The following AP1B1 variants were observed in gnomAD, a reference collection of about 807,000 sequenced individuals.
AP1B1 encodes the protein adaptor related protein complex 1 subunit beta 1.
AP1B1 carries 36 observed loss-of-function variants against 104.3 expected under a neutral mutation model. The observed-to-expected ratio is 0.35, with a 90% CI of 0.26 to 0.46. AP1B1 has a LOEUF of 0.46. Among genes scored for constraint, AP1B1 ranks in the 20% least tolerant of loss-of-function variants. AP1B1 has a pLI of 1.00. For missense variants in AP1B1, 901 were observed against 1,247.9 expected (o/e 0.72, Z 4.19); for synonymous variants, 504 against 517.5 (o/e 0.97, Z 0.35).
In AP1B1 at chr22:29,371,061, A is replaced by G. The variant is rs117456488; in HGVS notation, c.-27-3791T>C. ...AAACGCTTTAGAAAGCCACCCCAAAACACAGATAACAAAACAAAACAAAAC... is the reference window on the plus strand; with the variant it reads ...AAACGCTTTAGAAAGCCACCCCAAAGCACAGATAACAAAACAAAACAAAAC... On this transcript the variant is annotated intron_variant, in intron 1 of 22. Transcript: ENST00000357586. 2.2e-4 allele frequency among the ~76,000 whole-genome samples: 33 copies of G among 152,264 alleles called. No homozygotes were observed. The East Asian group carries it at 5.8e-3, about 27-fold the overall frequency.
At chr22:29,332,050 GGA>G in intron 17 of AP1B1, 134 bp from the exon 18 acceptor site, 2 of 898,448 alleles carry the variant, frequency 2.2e-6, no homozygotes, top group Non-Finnish European at 3.3e-6. Flanking sequence ...CCCATGTTCT[GGA>G]CCCTGGACAG....
intron 1 of AP1B1, among the ~76,000 whole-genome samples, chr22:29,370,897 G>C (rs1473819049): frequency 6.6e-6 from 1 of 152,126 alleles, no homozygotes; most frequent in Non-Finnish European, 1.5e-5. Flanking sequence ...GCTGGCTGCA[G>C]CTTTTTTCCG....
At chr22:29,342,210 C>G in intron 12 of AP1B1, 75 bp downstream of exon 12, 1 of 1,268,532 alleles carries the variant, frequency 7.9e-7, no homozygotes, top group East Asian at 2.5e-5. Context: ...GCTTCCAGGT[C>G]TAGTTCCTGG....
At position 29,350,121 on chromosome 22, in the gene AP1B1, C is replaced by T; in HGVS notation, c.1185G>A (p.Leu395=). The T allele has an allele frequency of 6.2e-7, 1 of 1,614,202 alleles. No homozygotes were observed. Among genetic ancestry groups the T allele is most frequent in the Non-Finnish European group, 8.5e-7 (1 of 1,180,024 alleles). Residue 395 remains leucine, a synonymous_variant, in exon 10 of 23, where the codon CTG becomes CTA. Coordinates refer to ENST00000357586, the MANE Select transcript of AP1B1 (RefSeq NM_001127.4). ...EQSAERCVST[L]LDLIQTKVNY... The stretch of plus-strand genomic sequence containing the variant: ...TGACCTTGGTCTGGATGAGGTCGAG[C>T]AGCGTGCTCACACAGCGCTCCGCAG...
At chr22:29,358,530 G>A (rs533677671) in intron 5 of AP1B1, among the ~76,000 whole-genome samples, 196 bp downstream of exon 5, 1 of 152,336 alleles carries the variant, frequency 6.6e-6, no homozygotes, top group East Asian at 1.9e-4. Context: ...TAGTCAGAGG[G>A]TGAGGAGAAG....
At position 29,351,697 on chromosome 22, in the gene AP1B1, C is replaced by G; in HGVS notation, c.1059+8G>C. On this transcript the variant is annotated splice_region_variant and intron_variant, in intron 8 of 22. Coordinates refer to ENST00000357586, the MANE Select transcript of AP1B1 (RefSeq NM_001127.4). ...GAGCCCGTGTCCTGACCATCACACG[C>G]AGCTGACCTGGGCGATGTTGGCCTG... 2 of 1,613,634 alleles carry G rather than the reference C, an allele frequency of 1.2e-6. No homozygotes were observed. Among genetic ancestry groups the G allele is most frequent in the Non-Finnish European group, 8.5e-7 (1 of 1,179,894 alleles).
intron 1 of AP1B1, among the ~76,000 whole-genome samples, chr22:29,367,768 G>A (rs2062167697): frequency 6.6e-6 from 1 of 152,086 alleles, no homozygotes; most frequent in Non-Finnish European, 1.5e-5. Context: ...CATCATCAAG[G>A]CACGATATTA....
chr22:29,341,374 A>G, intron 13 of AP1B1, 127 bp downstream of exon 13: 1 of 1,217,920 alleles, frequency 8.2e-7, no homozygotes, highest in Non-Finnish European at 1.1e-6. Context: ...AATAGCTGAT[A>G]AAAGGTTGTC....
intron 17 of AP1B1, 96 bp downstream of exon 17, chr22:29,334,169 G>C: frequency 2.3e-5 from 26 of 1,125,304 alleles, no homozygotes; most frequent in Non-Finnish European, 2.7e-5. Flanking sequence ...CCCCTCTACA[G>C]CCCCCACCCC....
chr22:29,331,523 T>G lies in AP1B1; in HGVS notation c.2450A>C (p.Lys817Thr). The change falls in exon 19 of 23, where the codon AAG (lysine) becomes ACG (threonine). Residue 817 changes from lysine to threonine, a missense_variant. Lys to Thr is a moderately conservative substitution (Grantham distance 78). Coordinates refer to ENST00000357586, the MANE Select transcript of AP1B1 (RefSeq NM_001127.4). Reference sequence around the variant, plus strand: ...GAAGTAGAAGACATCGATGTTGTTCTTCACGGCCACCTAGGCACAAGGGGG... The same window carrying G: ...GAAGTAGAAGACATCGATGTTGTTCGTCACGGCCACCTAGGCACAAGGGGG... ...EPLNNLQVAV[K>T]NNIDVFYFST... 6.2e-7 allele frequency: 1 copy of G among 1,614,192 alleles called. No homozygotes were observed. Among genetic ancestry groups the G allele is most frequent in the Non-Finnish European group, 8.5e-7 (1 of 1,180,030 alleles).
intron 1 of AP1B1, among the ~76,000 whole-genome samples, chr22:29,378,860 CAAAAA>C (rs695434): frequency 3.6e-5 from 4 of 110,132 alleles, no homozygotes; most frequent in Non-Finnish European, 1.8e-5. Context: ...CTCCGTCCCA[CAAAAA>C]AAAAAAAAAA....
intron 7 of AP1B1, among the ~76,000 whole-genome samples, chr22:29,353,600 C>T (rs1602737149): frequency 1.3e-5 from 2 of 152,300 alleles, no homozygotes; most frequent in Non-Finnish European, 2.9e-5. Context: ...ACTCAGAAGG[C>T]TTTCCCATAT....
At chr22:29,376,095 T>C (rs548193843) in intron 1 of AP1B1, among the ~76,000 whole-genome samples, 1 of 152,144 alleles carries the variant, frequency 6.6e-6, no homozygotes, top group East Asian at 1.9e-4. Context: ...GAACATGACA[T>C]AAGATGTTTC....
At chr22:29,343,421 G>C (rs2061743093) in intron 11 of AP1B1, among the ~76,000 whole-genome samples, 1 of 152,234 alleles carries the variant, frequency 6.6e-6, no homozygotes, top group African/African-American at 2.4e-5. Flanking sequence ...GAGGGCACGT[G>C]GTCCTCCAAT....
rs1238843332 is a variant in AP1B1 at position 29,351,295 on chromosome 22, G to T, written c.1060-29C>A. ...TGGCCCAAACAGAAAAGATGGGGCT[G>T]GGGCACCTGATGGGGCAATCTGCTG... is the stretch of plus-strand genomic sequence containing the variant. On this transcript the variant is annotated intron_variant, in intron 8 of 22. Coordinates refer to ENST00000357586, the MANE Select transcript of AP1B1 (RefSeq NM_001127.4). 3 of 1,610,072 alleles carry T rather than the reference G, an allele frequency of 1.9e-6. No homozygotes were observed. In the South Asian group the frequency reaches 3.3e-5, roughly 18 times the overall value.
At position 29,336,331 on chromosome 22, in the gene AP1B1, C is replaced by T. The variant is rs117336223; in HGVS notation, c.2164-1921G>A. ...GGGATAGTGCACCCACACCCTAGAA[C>T]CCTCCCATGACCAAGGCAGTGGGGA... On this transcript the variant is annotated intron_variant, in intron 16 of 22. Transcript: ENST00000357586. 1.5e-3 allele frequency among the ~76,000 whole-genome samples: 232 copies of T among 152,312 alleles called. 3 individuals are homozygous for T. The highest frequency in any genetic ancestry group is 2.0e-3 in the Admixed American group (30 of 15,310).
intron 21 of AP1B1, 45 bp from the exon 22 acceptor site, chr22:29,329,765 ACAC>A: frequency 6.2e-7 from 1 of 1,612,312 alleles, no homozygotes; most frequent in Non-Finnish European, 8.5e-7. Flanking sequence ...CAGCAACCAA[ACAC>A]AGGGAGACGG....
chr22:29,351,060 A>T, intron 9 of AP1B1, 111 bp downstream of exon 9: 1 of 1,034,492 alleles, frequency 9.7e-7, no homozygotes, highest in Non-Finnish European at 1.4e-6. Context: ...GATGAGCCTC[A>T]GGCCTTCCCA....
In AP1B1 at chr22:29,355,460, T is replaced by A. The variant is rs2061942043; in HGVS notation, c.717-589A>T. 2.0e-5 allele frequency among the ~76,000 whole-genome samples: 3 copies of A among 151,992 alleles called. No homozygotes were observed. In the South Asian group the frequency reaches 6.2e-4, roughly 32 times the overall value. On this transcript the variant is annotated intron_variant, in intron 6 of 22. Transcript: ENST00000357586. Reference sequence around the variant, plus strand: ...TGGGCAACAGAGCGAGACCCTGTCATAAACAAACAAACAAACAAACATGTT... The same window carrying A: ...TGGGCAACAGAGCGAGACCCTGTCAAAAACAAACAAACAAACAAACATGTT...
Sources: allele counts gnomAD v4.1 joint callset (sites outside exome capture counted in the v4.1 genomes callset), GRCh38; gene constraint gnomAD v4.1.1; transcripts MANE v1.5; gene names NCBI Gene and HGNC (gene_info 2026-07-23, HGNC 2026-07-21).